YIPF4: variants seen among roughly 807,000 people sequenced by gnomAD.
YIPF4 encodes Yip1 domain family member 4.
In YIPF4, 18 loss-of-function variants were observed where a neutral mutation model predicts 29.4. The ratio of observed to expected loss-of-function variants is 0.61; its 90% confidence interval spans 0.42 to 0.91. The LOEUF (loss-of-function observed/expected upper bound fraction) is 0.91, where lower values mean the gene tolerates loss of function less well. Ranked by LOEUF, YIPF4 falls within the 40% of genes least tolerant of loss-of-function variation. The probability of loss-of-function intolerance (pLI) is 0.00; values close to 1 mark genes in which losing one functional copy is unlikely to be tolerated. For synonymous variants in YIPF4, 115 were observed against 104.7 expected (o/e 1.10, Z -0.60); for missense variants, 279 against 282.7 (o/e 0.99, Z 0.09).
chr2:32,279,394 C>CTTTTT (rs35036420), intron 1 of YIPF4, among the ~76,000 whole-genome samples: 44 of 98,754 alleles, frequency 4.5e-4, no homozygotes, highest in Non-Finnish European at 6.2e-4. Flanking sequence ...CTAGATTTTC[C>CTTTTT]TTTTTTTTTT....
In YIPF4 at chr2:32,306,523, G is replaced by A. The variant is rs2031586974; in HGVS notation, c.*897G>A. 1.0e-6 allele frequency: 1 copy of A among 984,752 alleles called. No homozygotes were observed. The highest frequency in any genetic ancestry group is 1.2e-6 in the Non-Finnish European group (1 of 829,362). 61.0% of individuals were successfully genotyped at this position (984,752 alleles called of 1,614,324 possible). A position where few individuals can be genotyped will look rare whatever the true frequency, so the allele number is the denominator to read the frequency against. On this transcript the variant is annotated 3_prime_UTR_variant, in exon 6 of 6. Transcript: ENST00000238831. ...AAAGAGACCTTTAAAATCTTGTGGT[G>A]TTGAACAATGTTATATGAAGTAGAA...
chr2:32,282,790 A>T (rs189336829), intron 1 of YIPF4, among the ~76,000 whole-genome samples: 1 of 151,820 alleles, frequency 6.6e-6, no homozygotes, highest in African/African-American at 2.4e-5. Flanking sequence ...AGAATACCCA[A>T]GTGCAGGCCA....
chr2:32,307,928 CAAAAAAAAAAA>C lies in YIPF4; in HGVS notation c.*2318_*2328del, dbSNP rs70938335. ...CCTGGGTAACAGAGCAAGACTCTCT[CAAAAAAAAAAA>C]AAAAAAAAAAAAAAACCATGATTTG... On this transcript the variant is annotated 3_prime_UTR_variant, in exon 6 of 6. Coordinates refer to ENST00000238831, the MANE Select transcript of YIPF4 (RefSeq NM_032312.4). 2 of 48,948 alleles carry C rather than the reference CAAAAAAAAAAA, an allele frequency of 4.1e-5. No homozygotes were observed. Among genetic ancestry groups the C allele is most frequent in the Non-Finnish European group, 6.7e-5 (2 of 29,804 alleles). 3.0% of individuals were successfully genotyped at this position (48,948 alleles called of 1,614,324 possible). A position where few individuals can be genotyped will look rare whatever the true frequency, so the allele number is the denominator to read the frequency against.
intron 4 of YIPF4, among the ~76,000 whole-genome samples, chr2:32,300,434 T>TAAAA (rs78248257): frequency 1.7e-5 from 2 of 120,646 alleles, no homozygotes; most frequent in Non-Finnish European, 1.8e-5. Context: ...ACTCCGTCTT[T>TAAAA]AAAAAAAAAA....
chr2:32,304,601 A>G (rs1479574748), intron 5 of YIPF4, among the ~76,000 whole-genome samples: 2 of 152,210 alleles, frequency 1.3e-5, no homozygotes, highest in Non-Finnish European at 2.9e-5. Context: ...ACTAGTATAT[A>G]GTGTGTAGAG....
In YIPF4 at chr2:32,280,603, C is replaced by G. The variant is rs371300583; in HGVS notation, c.79+2369C>G. ...TTCACTGTGTTAGCCAGGATGGTCTCGATCTCCTGACCTCGTGATCTGCCT... is the reference window on the plus strand; with the variant it reads ...TTCACTGTGTTAGCCAGGATGGTCTGGATCTCCTGACCTCGTGATCTGCCT... On this transcript the variant is annotated intron_variant, in intron 1 of 5. Transcript: ENST00000238831. 2.6e-5 allele frequency among the ~76,000 whole-genome samples: 4 copies of G among 151,932 alleles called. No individual in the cohort carries two copies. In the East Asian group the frequency reaches 5.8e-4, roughly 22 times the overall value.
chr2:32,305,670 T>C lies in YIPF4; in HGVS notation c.*44T>C, dbSNP rs890704291. 4.2e-6 allele frequency: 6 copies of C among 1,423,692 alleles called. No individual in the cohort carries two copies. Among genetic ancestry groups the C allele is most frequent in the Admixed American group, 4.9e-5 (2 of 41,182 alleles). 88.2% of individuals were successfully genotyped at this position (1,423,692 alleles called of 1,614,324 possible). A position where few individuals can be genotyped will look rare whatever the true frequency, so the allele number is the denominator to read the frequency against. On this transcript the variant is annotated 3_prime_UTR_variant, in exon 6 of 6. Coordinates refer to ENST00000238831, the MANE Select transcript of YIPF4 (RefSeq NM_032312.4). The stretch of plus-strand genomic sequence containing the variant: ...AGAAAAAGATGGTGTTAAATTTGTG[T>C]GTAGGCTGGGAATTCTTGCTGAAGG...
chr2:32,280,746 C>T (rs1236373883), intron 1 of YIPF4, among the ~76,000 whole-genome samples: 1 of 151,990 alleles, frequency 6.6e-6, no homozygotes. Context: ...CTTGGCCTCC[C>T]AAATTGCTGG....
At position 32,308,096 on chromosome 2, in the gene YIPF4, CTAAT is replaced by C. The variant is rs976447768; in HGVS notation, c.*2473_*2476del. 1 of 151,726 alleles carries C rather than the reference CTAAT, an allele frequency of 6.6e-6. No homozygotes were observed. Among genetic ancestry groups the C allele is most frequent in the Non-Finnish European group, 1.5e-5 (1 of 67,974 alleles). The allele number at this position is 151,726 out of a possible 1,614,324, so 9.4% of individuals were successfully genotyped here. A position where few individuals can be genotyped will look rare whatever the true frequency, so the allele number is the denominator to read the frequency against. On this transcript the variant is annotated 3_prime_UTR_variant, in exon 6 of 6. Transcript: ENST00000238831. ...AATTTTTTAAATAATGATTTCCAATCTAATTATTAATTAGAATTTTGTTGTTGTT... is the reference window on the plus strand; with the variant it reads ...AATTTTTTAAATAATGATTTCCAATCTATTAATTAGAATTTTGTTGTTGTT...
At chr2:32,293,854 A>G (rs1293576793) in intron 3 of YIPF4, among the ~76,000 whole-genome samples, 1 of 122,840 alleles carries the variant, frequency 8.1e-6, no homozygotes, top group Non-Finnish European at 1.7e-5. Context: ...TGACCCCCCC[A>G]CCTCCCTCCC....
chr2:32,296,621 CTG>C (rs58454759), intron 3 of YIPF4, among the ~76,000 whole-genome samples: 80 of 152,288 alleles, frequency 5.3e-4, no homozygotes, highest in African/African-American at 1.9e-3. Flanking sequence ...GTCCTGCTCT[CTG>C]TATACTAACA....
intron 3 of YIPF4, 41 bp downstream of exon 3, chr2:32,292,389 G>T: frequency 7.3e-7 from 1 of 1,373,000 alleles, no homozygotes; most frequent in Non-Finnish European, 9.6e-7. Flanking sequence ...AATATTTTGA[G>T]AGTTTCAAAA....
intron 3 of YIPF4, 38 bp from the exon 4 acceptor site, chr2:32,298,196 G>C (rs374448390): frequency 2.1e-6 from 3 of 1,430,380 alleles, no homozygotes; most frequent in Non-Finnish European, 2.9e-6. Flanking sequence ...CATCTTATTT[G>C]GTATAAAAAT....
chr2:32,281,237 C>CT (rs369444924), intron 1 of YIPF4, among the ~76,000 whole-genome samples: 27,264 of 144,780 alleles, frequency 0.19, 2,837 homozygotes, highest in Middle Eastern at 0.29. Flanking sequence ...CTCATTTGAT[C>CT]TTTTTTTTTT....
intron 4 of YIPF4, 90 bp downstream of exon 4, chr2:32,298,401 C>G: frequency 5.4e-6 from 5 of 929,182 alleles, no homozygotes; most frequent in Non-Finnish European, 8.3e-6. Context: ...ATACAAGAAA[C>G]TTTCTTGTCC....
chr2:32,298,990 G>T (rs187540055), intron 4 of YIPF4, among the ~76,000 whole-genome samples: 67 of 152,040 alleles, frequency 4.4e-4, no homozygotes, highest in Admixed American at 1.9e-3. Flanking sequence ...CGATTCTCCT[G>T]CCTTAGCCTC....
At chr2:32,300,378 G>C (rs937008779) in intron 4 of YIPF4, among the ~76,000 whole-genome samples, 3 of 151,452 alleles carry the variant, frequency 2.0e-5, no homozygotes, top group Non-Finnish European at 4.4e-5. Flanking sequence ...AGGTTGCGGT[G>C]AGCCGAGATC....
chr2:32,288,740 G>C (rs2030787732), intron 1 of YIPF4, among the ~76,000 whole-genome samples: 1 of 152,154 alleles, frequency 6.6e-6, no homozygotes, highest in Non-Finnish European at 1.5e-5. Context: ...AACCCAGGAG[G>C]TGGAGGTTGC....
intron 5 of YIPF4, among the ~76,000 whole-genome samples, 197 bp downstream of exon 5, chr2:32,301,692 T>C (rs2031409799): frequency 6.6e-6 from 1 of 152,216 alleles, no homozygotes; most frequent in Admixed American, 6.5e-5. Context: ...TATTACTGTT[T>C]GTCTGGGGGA....
Sources: allele counts gnomAD v4.1 joint callset (sites outside exome capture counted in the v4.1 genomes callset), GRCh38; gene constraint gnomAD v4.1.1; transcripts MANE v1.5; gene names NCBI Gene and HGNC (gene_info 2026-07-23, HGNC 2026-07-21).